TAS2R1: variants seen among roughly 807,000 people sequenced by gnomAD.
The protein encoded by TAS2R1 is taste receptor type 2 member 1.
For missense variants in TAS2R1, 370 were observed against 353.4 expected (o/e 1.05, Z -0.38); for synonymous variants, 141 against 134.2 (o/e 1.05, Z -0.35).
At chr5:9,832,702 A>G in the TAS2R1 span, among the ~76,000 whole-genome samples, 1 of 152,262 alleles carries the variant, frequency 6.6e-6, no homozygotes, top group Non-Finnish European at 1.5e-5. Flanking sequence ...TTGGTGTAAG[A>G]TTAATGAAAA....
the TAS2R1 span, among the ~76,000 whole-genome samples, chr5:9,804,416 T>A: frequency 3.3e-5 from 5 of 152,150 alleles, no homozygotes; most frequent in Non-Finnish European, 5.9e-5. Context: ...TTACAGAACA[T>A]TCTATCCAAC....
the TAS2R1 span, among the ~76,000 whole-genome samples, chr5:9,779,119 G>A: frequency 1.3e-5 from 2 of 152,180 alleles, no homozygotes; most frequent in East Asian, 1.9e-4. Flanking sequence ...TGAATGGCTT[G>A]GTGCCGTCCT....
the TAS2R1 span, among the ~76,000 whole-genome samples, chr5:9,776,741 T>G: frequency 6.6e-6 from 1 of 152,138 alleles, no homozygotes; most frequent in African/African-American, 2.4e-5. Context: ...ATGGCCAGAC[T>G]CCCCACACCA....
chr5:9,743,959 AT>A, the TAS2R1 span, among the ~76,000 whole-genome samples: 1 of 152,346 alleles, frequency 6.6e-6, no homozygotes, highest in East Asian at 1.9e-4. Context: ...AAAAGAAAAT[AT>A]TTTTAAAATA....
chr5:9,693,080 A>G (rs1741281365), intron 1 of TAS2R1, among the ~76,000 whole-genome samples: 1 of 152,204 alleles, frequency 6.6e-6, no homozygotes, highest in South Asian at 2.1e-4. Context: ...CTCTCTGGGC[A>G]TGAGCAAAAC....
chr5:9,783,184 C>T, the TAS2R1 span, among the ~76,000 whole-genome samples: 2 of 152,166 alleles, frequency 1.3e-5, no homozygotes, highest in African/African-American at 4.8e-5. Context: ...TAGCCTAGTT[C>T]CCCTTTACCT....
At chr5:9,826,605 G>T in the TAS2R1 span, among the ~76,000 whole-genome samples, 1 of 152,100 alleles carries the variant, frequency 6.6e-6, no homozygotes, top group African/African-American at 2.4e-5. Flanking sequence ...ACAGGTTAGG[G>T]CTAACCTATA....
intron 1 of TAS2R1, among the ~76,000 whole-genome samples, chr5:9,691,807 T>C (rs989192657): frequency 1.3e-5 from 2 of 152,088 alleles, no homozygotes; most frequent in African/African-American, 4.8e-5. Context: ...AAATAGGAAC[T>C]TACATGAATT....
At chr5:9,768,436 T>C in the TAS2R1 span, among the ~76,000 whole-genome samples, 1 of 152,230 alleles carries the variant, frequency 6.6e-6, no homozygotes, top group African/African-American at 2.4e-5. Context: ...TCAACATGTC[T>C]AGCAAGTTTG....
the TAS2R1 span, among the ~76,000 whole-genome samples, chr5:9,752,470 T>C: frequency 6.6e-6 from 1 of 152,210 alleles, no homozygotes; most frequent in Non-Finnish European, 1.5e-5. Flanking sequence ...ATATTGGTGC[T>C]ATCTGGCCGT....
At chr5:9,811,367 T>G in the TAS2R1 span, among the ~76,000 whole-genome samples, 2 of 152,190 alleles carry the variant, frequency 1.3e-5, no homozygotes, top group African/African-American at 4.8e-5. Context: ...GACTAAAATT[T>G]TTCTTACATA....
At chr5:9,882,435 G>A in the TAS2R1 span, among the ~76,000 whole-genome samples, 3 of 152,100 alleles carry the variant, frequency 2.0e-5, no homozygotes, top group Admixed American at 6.5e-5. Flanking sequence ...AGACCAGCTA[G>A]GCCAACATGG....
At chr5:9,687,762 T>C (rs1462385514) in intron 1 of TAS2R1, among the ~76,000 whole-genome samples, 1 of 152,226 alleles carries the variant, frequency 6.6e-6, no homozygotes, top group Non-Finnish European at 1.5e-5. Flanking sequence ...GTATGTTCTG[T>C]GAGCCTGTGG....
chr5:9,709,189 A>G lies in TAS2R1; in HGVS notation c.-242+2983T>C, dbSNP rs1260401093. Among the ~76,000 whole-genome samples the G allele has an allele frequency of 3.9e-5, 4 of 103,494 alleles. No individual in the cohort carries two copies. In the East Asian group the frequency reaches 7.3e-4, roughly 19 times the overall value. 67.9% of individuals were successfully genotyped at this position (103,494 alleles called of 152,430 possible). A position where few individuals can be genotyped will look rare whatever the true frequency, so the allele number is the denominator to read the frequency against. On this transcript the variant is annotated intron_variant, in intron 1 of 2. Transcript: ENST00000506620. ...ACATGTATCCTAGAACTTAAAGTAGAAAAAAAAAAAAAAAAGAAAAGAAAA... is the reference window on the plus strand; with the variant it reads ...ACATGTATCCTAGAACTTAAAGTAGGAAAAAAAAAAAAAAAGAAAAGAAAA...
At chr5:9,837,013 C>T in the TAS2R1 span, among the ~76,000 whole-genome samples, 1 of 152,104 alleles carries the variant, frequency 6.6e-6, no homozygotes, top group African/African-American at 2.4e-5. Flanking sequence ...GGCTCTAACA[C>T]GTGACTGGTT....
chr5:9,675,105 C>CATATAT (rs10580967), intron 1 of TAS2R1, among the ~76,000 whole-genome samples: 1 of 146,012 alleles, frequency 6.8e-6, no homozygotes, highest in African/African-American at 2.5e-5. Flanking sequence ...AAAATGAAAT[C>CATATAT]ATATATATAT....
In TAS2R1 at chr5:9,676,566, A is replaced by T. The variant is rs185064559; in HGVS notation, c.-241-16985T>A. On this transcript the variant is annotated intron_variant, in intron 1 of 2. Transcript: ENST00000506620. ...GGGTATACATACATACATACACAAA[A>T]ATATAGACATAGACCTTATAACTTT... is the stretch of plus-strand genomic sequence containing the variant. 8.4e-4 allele frequency among the ~76,000 whole-genome samples: 128 copies of T among 152,318 alleles called. 1 individual carries two copies. The highest frequency in any genetic ancestry group is 1.6e-3 in the Non-Finnish European group (106 of 68,030).
chr5:9,706,715 A>T (rs1741620241), intron 1 of TAS2R1, among the ~76,000 whole-genome samples: 1 of 152,114 alleles, frequency 6.6e-6, no homozygotes, highest in Non-Finnish European at 1.5e-5. Flanking sequence ...CTCAGAGGAT[A>T]TTTGAGTGCT....
the TAS2R1 span, among the ~76,000 whole-genome samples, chr5:9,788,645 T>A: frequency 2.1e-4 from 32 of 152,130 alleles, no homozygotes; most frequent in African/African-American, 7.7e-4. Flanking sequence ...CAAGAAAATA[T>A]AATTATGGGT....
Sources: allele counts gnomAD v4.1 joint callset (sites outside exome capture counted in the v4.1 genomes callset), GRCh38; gene constraint gnomAD v4.1.1; transcripts MANE v1.5; gene names NCBI Gene and HGNC (gene_info 2026-07-23, HGNC 2026-07-21).